LRP1B: variants seen among roughly 807,000 people sequenced by gnomAD.
LRP1B encodes LDL receptor related protein 1B, also known as low-density lipoprotein receptor-related protein 1B.
In LRP1B, 217 loss-of-function variants were observed where a neutral mutation model predicts 556.6. The observed-to-expected ratio is 0.39, with a 90% CI of 0.35 to 0.44. LRP1B has a LOEUF of 0.44. LRP1B is among the 20% of genes least tolerant of loss of function. The pLI is 1.00. For synonymous variants in LRP1B, 2,047 were observed against 1,865.8 expected (o/e 1.10, Z -2.50); for missense variants, 5,053 against 5,620.8 (o/e 0.90, Z 3.23).
chr2:141,606,000 A>C (rs17792070), intron 2 of LRP1B, among the ~76,000 whole-genome samples: 12,130 of 151,916 alleles, frequency 0.08, 567 homozygotes, highest in South Asian at 0.13. Flanking sequence ...GCCTGATATT[A>C]CTTAATCGAA....
At chr2:140,378,354 T>G in intron 67 of LRP1B, 68 bp from the exon 68 acceptor site, 2 of 812,968 alleles carry the variant, frequency 2.5e-6, no homozygotes, top group South Asian at 3.1e-5. Flanking sequence ...TTATATGACA[T>G]ATGACATGAG....
At chr2:140,521,462 A>T (rs960224932) in intron 49 of LRP1B, among the ~76,000 whole-genome samples, 10 of 152,196 alleles carry the variant, frequency 6.6e-5, no homozygotes, top group Non-Finnish European at 8.8e-5. Flanking sequence ...ATAAAGGAGA[A>T]ATAAAGTCTT....
At chr2:140,748,597 A>G (rs1292222784) in intron 35 of LRP1B, among the ~76,000 whole-genome samples, 142 of 22,792 alleles carry the variant, frequency 6.2e-3, no homozygotes, top group African/African-American at 0.015. Flanking sequence ...GTGTGTATAT[A>G]TATATATATA....
intron 35 of LRP1B, among the ~76,000 whole-genome samples, chr2:140,745,956 A>G (rs1688299284): frequency 6.6e-6 from 1 of 152,172 alleles, no homozygotes; most frequent in Non-Finnish European, 1.5e-5. Flanking sequence ...AGATTGTGAT[A>G]TGCATTCCAA....
chr2:141,059,424 A>G (rs1699277120), intron 8 of LRP1B, among the ~76,000 whole-genome samples: 1 of 151,784 alleles, frequency 6.6e-6, no homozygotes, highest in African/African-American at 2.4e-5. Context: ...CTACTTGTTT[A>G]TATAATAATG....
intron 3 of LRP1B, among the ~76,000 whole-genome samples, chr2:141,341,415 A>T (rs1423419779): frequency 6.6e-6 from 1 of 151,922 alleles, no homozygotes; most frequent in Non-Finnish European, 1.5e-5. Context: ...GTTCCTCCTC[A>T]TTAAAGAAAT....
chr2:141,201,566 C>T (rs1682020728), intron 6 of LRP1B, among the ~76,000 whole-genome samples: 1 of 151,844 alleles, frequency 6.6e-6, no homozygotes, highest in African/African-American at 2.4e-5. Context: ...ATTTGTGTCC[C>T]TAAAAATACA....
intron 11 of LRP1B, among the ~76,000 whole-genome samples, chr2:141,029,466 T>C (rs1261804931): frequency 6.6e-6 from 1 of 152,142 alleles, no homozygotes; most frequent in African/African-American, 2.4e-5. Flanking sequence ...GCTACTCACA[T>C]AGGCAGCTAA....
chr2:140,556,751 T>G lies in LRP1B; in HGVS notation c.7195-14780A>C, dbSNP rs183594941. On this transcript the variant is annotated intron_variant, in intron 43 of 90. Transcript: ENST00000389484. ...AAACAAATTTAAAAAAAAAACAATT[T>G]TTTTTCAGTGTCTCTTTAAGAAAGT... Among the ~76,000 whole-genome samples the G allele has an allele frequency of 9.9e-4, 150 of 152,160 alleles. 2 individuals are homozygous for G. In the Middle Eastern group the frequency reaches 0.017, roughly 17 times the overall value.
At chr2:141,544,384 C>G (rs55796020) in intron 2 of LRP1B, among the ~76,000 whole-genome samples, 1 of 40,838 alleles carries the variant, frequency 2.4e-5, no homozygotes, top group Non-Finnish European at 5.2e-5. Context: ...TTCTTCTTCT[C>G]CTCCTCCTCC....
intron 84 of LRP1B, among the ~76,000 whole-genome samples, chr2:140,285,322 CACATAT>C (rs1205171235): frequency 9.2e-4 from 74 of 80,522 alleles, no homozygotes; most frequent in Non-Finnish European, 2.1e-3. Flanking sequence ...TACATACACA[CACATAT>C]ACACATACAT....
chr2:140,324,631 T>C (rs1363535464), intron 80 of LRP1B, among the ~76,000 whole-genome samples: 2 of 151,962 alleles, frequency 1.3e-5, no homozygotes, highest in African/African-American at 4.8e-5. Context: ...AAAATAATAG[T>C]AACCATTATT....
chr2:140,354,449 G>A (rs1253894674), intron 75 of LRP1B, among the ~76,000 whole-genome samples: 1 of 152,048 alleles, frequency 6.6e-6, no homozygotes, highest in Non-Finnish European at 1.5e-5. Context: ...ATGCAGAAAA[G>A]TGTATTTCGT....
chr2:140,262,281 T>A (rs1319395295), intron 86 of LRP1B, among the ~76,000 whole-genome samples: 2 of 152,142 alleles, frequency 1.3e-5, no homozygotes, highest in African/African-American at 4.8e-5. Context: ...AAGCTAGTTT[T>A]AATAATAGTC....
At chr2:140,309,637 CATG>C (rs1684210287) in intron 83 of LRP1B, among the ~76,000 whole-genome samples, 1 of 151,762 alleles carries the variant, frequency 6.6e-6, no homozygotes, top group Admixed American at 6.6e-5. Context: ...AAATAATTAT[CATG>C]ATCCTGACAA....
At chr2:141,146,553 G>T (rs996746361) in intron 7 of LRP1B, among the ~76,000 whole-genome samples, 5 of 152,154 alleles carry the variant, frequency 3.3e-5, no homozygotes, top group African/African-American at 1.2e-4. Flanking sequence ...CTTCACAAAT[G>T]TATCAAGGGA....
At chr2:140,893,132 A>G (rs1693849489) in intron 23 of LRP1B, among the ~76,000 whole-genome samples, 1 of 152,130 alleles carries the variant, frequency 6.6e-6, no homozygotes, top group Non-Finnish European at 1.5e-5. Flanking sequence ...GAGGAGTGTA[A>G]TCAACTCAAC....
chr2:142,021,440 A>G (rs1285573600), intron 1 of LRP1B, among the ~76,000 whole-genome samples: 3 of 152,192 alleles, frequency 2.0e-5, no homozygotes. Context: ...GCACAAAAGT[A>G]CTAGAAGGTA....
chr2:142,124,264 C>G (rs1185292510), intron 1 of LRP1B, among the ~76,000 whole-genome samples: 1 of 151,774 alleles, frequency 6.6e-6, no homozygotes, highest in Non-Finnish European at 1.5e-5. Flanking sequence ...CTCTTTTCCA[C>G]TAAGGATACT....
Sources: gnomAD v4.1 joint callset for allele counts (sites outside exome capture counted in the v4.1 genomes callset) on GRCh38, gnomAD v4.1.1 for gene constraint, MANE v1.5 for transcripts, NCBI Gene and HGNC (gene_info 2026-07-23, HGNC 2026-07-21) for gene names.